The following ANO3 variants were observed in gnomAD, a reference collection of about 807,000 sequenced individuals.
ANO3 encodes the protein anoctamin-3.
Under a neutral mutation model 144.8 loss-of-function variants are expected in ANO3, and 99 were observed. The observed-to-expected ratio is 0.68, with a 90% confidence interval of 0.58 to 0.81. The LOEUF (loss-of-function observed/expected upper bound fraction) is 0.81. Ranked by LOEUF, ANO3 falls within the 30% of genes least tolerant of loss-of-function variation. The probability of loss-of-function intolerance (pLI) is 0.00; values close to 1 mark genes in which losing one functional copy is unlikely to be tolerated. For missense variants in ANO3, 905 were observed against 1,202.2 expected (o/e 0.75, Z 3.66); for synonymous variants, 414 against 392.6 (o/e 1.05, Z -0.64).
chr11:26,335,459 G>A (rs1855167747), intron 1 of ANO3, among the ~76,000 whole-genome samples: 3 of 151,806 alleles, frequency 2.0e-5, no homozygotes, highest in African/African-American at 7.3e-5. Context: ...GGAAAACAGT[G>A]GACTCCAGAC....
chr11:26,595,178 C>T (rs969322107), intron 14 of ANO3, among the ~76,000 whole-genome samples: 2 of 152,156 alleles, frequency 1.3e-5, no homozygotes, highest in Non-Finnish European at 2.9e-5. Flanking sequence ...CTCTGCTTAT[C>T]GGATTAGTTA....
In ANO3 at chr11:26,442,132, T is replaced by A; in HGVS notation, c.241+20T>A. 2.5e-6 allele frequency: 4 copies of A among 1,599,878 alleles called. No individual in the cohort carries two copies. Among genetic ancestry groups the A allele is most frequent in the Non-Finnish European group, 3.4e-6 (4 of 1,175,370 alleles). On this transcript the variant is annotated intron_variant, in intron 2 of 26. Transcript: ENST00000256737. The stretch of plus-strand genomic sequence containing the variant: ...AGCAAGGTGAGCAGCAATTCCTATT[T>A]TCTTGTTCAATTTATAAAAACTACG...
At chr11:26,296,478 A>G (rs1854092280) in intron 1 of ANO3, among the ~76,000 whole-genome samples, 1 of 152,192 alleles carries the variant, frequency 6.6e-6, no homozygotes. Flanking sequence ...AGAAAATATA[A>G]TATGACTTCT....
intron 1 of ANO3, among the ~76,000 whole-genome samples, chr11:26,224,115 G>A (rs1043551533): frequency 6.6e-6 from 1 of 152,092 alleles, no homozygotes; most frequent in Non-Finnish European, 1.5e-5. Flanking sequence ...CCTGACTCAT[G>A]CCCTCCTTCC....
intron 1 of ANO3, among the ~76,000 whole-genome samples, chr11:26,267,184 G>GCACGCACA (rs1554931398): frequency 8.1e-5 from 12 of 147,612 alleles, no homozygotes; most frequent in African/African-American, 3.0e-4. Context: ...ACGCACGCAC[G>GCACGCACA]CACACACACA....
At chr11:26,275,936 T>C (rs1853549267) in intron 1 of ANO3, among the ~76,000 whole-genome samples, 1 of 152,192 alleles carries the variant, frequency 6.6e-6, no homozygotes, top group Non-Finnish European at 1.5e-5. Context: ...TCTCTGAAGC[T>C]GTATTCACTG....
intron 1 of ANO3, among the ~76,000 whole-genome samples, chr11:26,388,509 T>C (rs1856792431): frequency 1.3e-5 from 2 of 152,184 alleles, no homozygotes; most frequent in Admixed American, 1.3e-4. Flanking sequence ...TAATAATAGC[T>C]AAAATGTACT....
At chr11:26,233,634 C>G (rs565997628) in intron 1 of ANO3, among the ~76,000 whole-genome samples, 79 of 152,284 alleles carry the variant, frequency 5.2e-4, no homozygotes, top group Non-Finnish European at 7.2e-4. Context: ...TATAAAGACA[C>G]ATGCACACAT....
chr11:26,591,625 C>T (rs1005450812), intron 14 of ANO3, among the ~76,000 whole-genome samples: 5 of 152,096 alleles, frequency 3.3e-5, no homozygotes, highest in Non-Finnish European at 7.4e-5. Flanking sequence ...TCCATAGAAC[C>T]TCTTGGTAAG....
At chr11:26,328,677 G>A (rs566192170), upstream of ANO3, among the ~76,000 whole-genome samples, 3 of 152,302 alleles carry the variant, frequency 2.0e-5, no homozygotes, top group African/African-American at 7.2e-5. Context: ...GAGACAGGTT[G>A]TGAGTTGTGG....
intron 4 of ANO3, among the ~76,000 whole-genome samples, chr11:26,505,744 G>A (rs377432994): frequency 2.0e-5 from 3 of 152,186 alleles, no homozygotes; most frequent in Non-Finnish European, 4.4e-5. Flanking sequence ...AGGCCAAGGC[G>A]GGCGGATCAC....
At chr11:26,402,496 A>G (rs1451116035) in intron 1 of ANO3, among the ~76,000 whole-genome samples, 1 of 151,778 alleles carries the variant, frequency 6.6e-6, no homozygotes, top group Non-Finnish European at 1.5e-5. Flanking sequence ...TTTTTCTTGT[A>G]CATTTAAGTT....
At chr11:26,210,168 T>C (rs1225521293) in intron 1 of ANO3, among the ~76,000 whole-genome samples, 1 of 152,160 alleles carries the variant, frequency 6.6e-6, no homozygotes, top group Non-Finnish European at 1.5e-5. Flanking sequence ...TTGTATAAGG[T>C]GTAAGGAAGG....
intron 1 of ANO3, among the ~76,000 whole-genome samples, chr11:26,333,858 T>G (rs1217531781): frequency 6.6e-6 from 1 of 152,236 alleles, no homozygotes; most frequent in Non-Finnish European, 1.5e-5. Context: ...CAAGAAGTTG[T>G]GTTCTCTTTA....
At chr11:26,266,111 G>A (rs143804587) in intron 1 of ANO3, among the ~76,000 whole-genome samples, 240 of 151,966 alleles carry the variant, frequency 1.6e-3, no homozygotes, top group Non-Finnish European at 2.9e-3. Flanking sequence ...AGATATTTAC[G>A]CCAGAACCTA....
intron 1 of ANO3, among the ~76,000 whole-genome samples, chr11:26,349,862 A>G (rs1055383184): frequency 2.0e-5 from 3 of 152,174 alleles, no homozygotes; most frequent in Non-Finnish European, 4.4e-5. Flanking sequence ...ATTGTTTTAA[A>G]GGAGCTAATG....
chr11:26,249,719 T>G (rs1032265087), intron 1 of ANO3, among the ~76,000 whole-genome samples: 1 of 152,046 alleles, frequency 6.6e-6, no homozygotes, highest in African/African-American at 2.4e-5. Context: ...TAATTGCCTC[T>G]TATTAAAAAT....
At chr11:26,367,480 C>T (rs181681722) in intron 1 of ANO3, among the ~76,000 whole-genome samples, 72 of 152,096 alleles carry the variant, frequency 4.7e-4, no homozygotes, top group Non-Finnish European at 6.8e-4. Context: ...AATCACCCTC[C>T]GAGAAGTTCC....
chr11:26,203,631 C>T (rs371690447), intron 1 of ANO3, among the ~76,000 whole-genome samples: 121 of 152,192 alleles, frequency 8.0e-4, no homozygotes, highest in African/African-American at 2.8e-3. Context: ...TTACTTTTGG[C>T]CTCAACTTCC....
Sources: allele counts gnomAD v4.1 joint callset (sites outside exome capture counted in the v4.1 genomes callset), GRCh38; gene constraint gnomAD v4.1.1; transcripts MANE v1.5; gene names NCBI Gene and HGNC (gene_info 2026-07-23, HGNC 2026-07-21).